Variants in JCAD observed in about 807,000 individuals in gnomAD.
JCAD encodes junctional cadherin 5-associated protein.
JCAD carries 40 observed loss-of-function variants against 98.0 expected under a neutral mutation model. The ratio of observed to expected loss-of-function variants is 0.41; its 90% confidence interval spans 0.32 to 0.53. The LOEUF (loss-of-function observed/expected upper bound fraction) is 0.53, where lower values mean the gene tolerates loss of function less well. Ranked by LOEUF, JCAD falls within the 20% of genes least tolerant of loss-of-function variation. The pLI is 0.31. For missense variants in JCAD, 1,705 were observed against 1,738.1 expected (o/e 0.98, Z 0.34); for synonymous variants, 691 against 682.3 (o/e 1.01, Z -0.20).
At chr10:30,052,651 G>T (rs1837493589) in intron 1 of JCAD, among the ~76,000 whole-genome samples, 1 of 152,210 alleles carries the variant, frequency 6.6e-6, no homozygotes, top group African/African-American at 2.4e-5. Context: ...TGCGGGTGCT[G>T]CACGCTTACG....
intron 1 of JCAD, among the ~76,000 whole-genome samples, chr10:30,114,578 TAAAAAAAA>T (rs11360136): frequency 8.0e-6 from 1 of 124,686 alleles, no homozygotes; most frequent in Admixed American, 8.2e-5. Flanking sequence ...ACAGCACAAT[TAAAAAAAA>T]AAAAAAAAAA....
rs1837384818 is a variant in JCAD, at chr10:30,047,820, G to T, written c.-8C>A. The T allele has an allele frequency of 2.5e-6, 4 of 1,593,752 alleles. No homozygotes were observed. Among genetic ancestry groups the T allele is most frequent in the Non-Finnish European group, 3.4e-6 (4 of 1,168,584 alleles). ...GTCTTCTACACTGTACATGATGCCT[G>T]GGCTTCAGCAAAGCTCAACCACTGG... On this transcript the variant is annotated 5_prime_UTR_variant, in exon 2 of 4. Transcript: ENST00000375377.
upstream of JCAD, among the ~76,000 whole-genome samples, chr10:30,064,172 T>G (rs1017986110): frequency 1.3e-5 from 2 of 152,128 alleles, no homozygotes; most frequent in Non-Finnish European, 2.9e-5. Context: ...GATTAATCTA[T>G]TCATGGATTA....
chr10:30,110,564 G>A (rs894825725), intron 1 of JCAD, among the ~76,000 whole-genome samples: 1 of 151,348 alleles, frequency 6.6e-6, no homozygotes, highest in African/African-American at 2.4e-5. Flanking sequence ...ACCCGCTGAT[G>A]TATAGGCCAG....
chr10:30,043,137 T>C (rs559157300), intron 2 of JCAD, among the ~76,000 whole-genome samples: 13 of 152,184 alleles, frequency 8.5e-5, no homozygotes, highest in East Asian at 1.9e-4. Context: ...CCCAACAGAA[T>C]TGTCATTCTT....
At chr10:30,068,401 A>AAG (rs1334586088) in intron 2 of JCAD, among the ~76,000 whole-genome samples, 12 of 150,934 alleles carry the variant, frequency 8.0e-5, no homozygotes, top group African/African-American at 2.9e-4. Context: ...AAAAAAAAAA[A>AAG]AAAAAAAAAA....
At chr10:30,076,353 C>T (rs879435053) in intron 1 of JCAD, among the ~76,000 whole-genome samples, 6 of 152,050 alleles carry the variant, frequency 3.9e-5, no homozygotes, top group Non-Finnish European at 8.8e-5. Context: ...GCATTTAGTA[C>T]CCGTACAGAA....
chr10:30,066,297 T>C (rs1837782455), intron 2 of JCAD, among the ~76,000 whole-genome samples: 1 of 152,200 alleles, frequency 6.6e-6, no homozygotes, highest in African/African-American at 2.4e-5. Flanking sequence ...TGTGAGGAGA[T>C]TGAATCTGCA....
chr10:30,067,791 T>G (rs934274203), intron 2 of JCAD, among the ~76,000 whole-genome samples: 3 of 152,144 alleles, frequency 2.0e-5, no homozygotes, highest in African/African-American at 4.8e-5. Flanking sequence ...GAGAATTGTG[T>G]TGTTAGGTGA....
intron 1 of JCAD, among the ~76,000 whole-genome samples, chr10:30,082,722 G>A (rs999153424): frequency 2.5e-4 from 38 of 151,994 alleles, no homozygotes; most frequent in African/African-American, 8.9e-4. Flanking sequence ...ATGGTGGTGC[G>A]TGCCTGTAAT....
In JCAD at chr10:30,047,533, C is replaced by T; in HGVS notation, c.280G>A (p.Gly94Arg). The change falls in exon 2 of 4, where the codon GGG becomes AGG. Residue 94 changes from glycine (G) to arginine (R), a missense_variant and splice_region_variant. By Grantham distance (125) the Gly-to-Arg change is moderately radical. Transcript: ENST00000375377. ...STSASRTSEAGFCNQPPSAWS... is the reference protein window; with the variant it reads ...STSASRTSEARFCNQPPSAWS... The stretch of plus-strand genomic sequence containing the variant: ...CGGTGGGTTCACAGTGAAACTTACC[C>T]CGCCTCCGAGGTTCTGGAAGCAGAA... 6.2e-7 allele frequency: 1 copy of T among 1,610,242 alleles called. No individual in the cohort carries two copies. Among genetic ancestry groups the T allele is most frequent in the Non-Finnish European group, 8.5e-7 (1 of 1,178,638 alleles).
chr10:30,068,239 A>G (rs1046198766), intron 2 of JCAD, among the ~76,000 whole-genome samples: 9 of 151,974 alleles, frequency 5.9e-5, no homozygotes, highest in African/African-American at 1.7e-4. Context: ...AAATACAAAA[A>G]AATTAGCCGG....
Position 30,028,508 on chromosome 10 carries a change from T to C in JCAD, c.1640A>G (p.Gln547Arg), listed in dbSNP as rs527385018. The C allele has an allele frequency of 9.3e-6, 15 of 1,614,258 alleles. No homozygotes were observed. The highest frequency in any genetic ancestry group is 1.3e-5 in the Non-Finnish European group (15 of 1,180,048). ...TGRQVSSPYS[Q>R]GESTCETQTK... The stretch of plus-strand genomic sequence containing the variant: ...TTGAGTTTCGCAGGTGCTCTCGCCC[T>C]GTGAGTAAGGGGAGGAAACTTGTCT... Residue 547 changes from glutamine (Q) to arginine (R), a missense_variant, in exon 3 of 4, where the codon CAG (glutamine) becomes CGG (arginine). This residue lies in a region of JCAD where 1,278 missense variants were observed against 1,243.1 expected (regional missense o/e 1.03). Coordinates refer to ENST00000375377, the MANE Select transcript of JCAD (RefSeq NM_020848.4).
chr10:30,060,800 C>G (rs1189558910), upstream of JCAD, among the ~76,000 whole-genome samples: 1 of 152,096 alleles, frequency 6.6e-6, no homozygotes, highest in Non-Finnish European at 1.5e-5. Flanking sequence ...GGCTCAGGGA[C>G]GGGCACAGAT....
At chr10:30,066,519 G>A (rs550131672) in intron 2 of JCAD, among the ~76,000 whole-genome samples, 132 of 152,188 alleles carry the variant, frequency 8.7e-4, no homozygotes, top group Non-Finnish European at 1.6e-3. Flanking sequence ...CCTCTTGAGC[G>A]GTGGTGCCCT....
chr10:30,046,109 T>C (rs760936605), intron 2 of JCAD, among the ~76,000 whole-genome samples: 14 of 152,170 alleles, frequency 9.2e-5, no homozygotes, highest in Admixed American at 2.6e-4. Flanking sequence ...TGTCCATATC[T>C]AACTGCTGAC....
At chr10:30,035,576 A>T (rs1837089759) in intron 2 of JCAD, among the ~76,000 whole-genome samples, 1 of 152,250 alleles carries the variant, frequency 6.6e-6, no homozygotes, top group African/African-American at 2.4e-5. Context: ...TCGCTATAGG[A>T]CGCCCATTAC....
At chr10:30,044,756 G>A (rs774273252) in intron 2 of JCAD, 109 of 974,336 alleles carry the variant, frequency 1.1e-4, no homozygotes, top group Non-Finnish European at 1.3e-4. Context: ...GTTTCTGATG[G>A]GGAAAAACAA....
chr10:30,078,795 C>T (rs1024153668), intron 1 of JCAD, among the ~76,000 whole-genome samples: 10 of 152,100 alleles, frequency 6.6e-5, no homozygotes, highest in Non-Finnish European at 1.0e-4. Flanking sequence ...AGGATGGTGA[C>T]CCTGGTTCTG....
Sources: gnomAD v4.1 joint callset for allele counts (sites outside exome capture counted in the v4.1 genomes callset) on GRCh38, gnomAD v4.1.1 for gene constraint, gnomAD v4.1.1 regional missense constraint, MANE v1.5 for transcripts, NCBI Gene and HGNC (gene_info 2026-07-23, HGNC 2026-07-21) for gene names.